POLR1A: variants seen among roughly 807,000 people sequenced by gnomAD.
POLR1A encodes DNA-directed RNA polymerase I subunit RPA1.
Under a neutral mutation model 205.3 loss-of-function variants are expected in POLR1A, and 84 were observed. The ratio of observed to expected loss-of-function variants is 0.41; its 90% CI spans 0.34 to 0.49. The LOEUF (loss-of-function observed/expected upper bound fraction) is 0.49, where lower values mean the gene tolerates loss of function less well. Among genes scored for constraint, POLR1A ranks in the 20% least tolerant of loss-of-function variants. The pLI, the probability that POLR1A is intolerant of heterozygous loss-of-function variation, is 0.22. For synonymous variants in POLR1A, 799 were observed against 863.7 expected (o/e 0.93, Z 1.31); for missense variants, 1,645 against 2,204.5 (o/e 0.75, Z 5.08).
At chr2:86,073,731 G>A (rs1042262174) in intron 12 of POLR1A, among the ~76,000 whole-genome samples, 31 of 152,302 alleles carry the variant, frequency 2.0e-4, no homozygotes, top group African/African-American at 7.0e-4. Flanking sequence ...CCAGGGTGGC[G>A]AGGATCCGTC....
intron 33 of POLR1A, 52 bp from the exon 34 acceptor site, chr2:86,027,575 T>C (rs1456746967): frequency 6.8e-7 from 1 of 1,467,394 alleles, no homozygotes; most frequent in Non-Finnish European, 9.5e-7. Context: ...AAGTTGGGAA[T>C]GTCATGAGGT....
chr2:86,038,913 A>C (rs1558764453), intron 26 of POLR1A, 56 bp from the exon 27 acceptor site: 2 of 1,533,596 alleles, frequency 1.3e-6, no homozygotes, highest in East Asian at 4.5e-5. Flanking sequence ...GTGACTGCGC[A>C]ATGTGAGTGG....
At chr2:86,041,029 G>A (rs1227342519) in intron 24 of POLR1A, among the ~76,000 whole-genome samples, 1 of 152,180 alleles carries the variant, frequency 6.6e-6, no homozygotes, top group Non-Finnish European at 1.5e-5. Context: ...TTTTTAGTTA[G>A]TGCAAATGGC....
chr2:86,056,439 G>A (rs1287984507), intron 14 of POLR1A, among the ~76,000 whole-genome samples: 3 of 150,570 alleles, frequency 2.0e-5, no homozygotes, highest in African/African-American at 7.3e-5. Context: ...GTGACAGAGC[G>A]ATACTCCATC....
intron 12 of POLR1A, 128 bp downstream of exon 12, chr2:86,074,902 G>A: frequency 1.5e-6 from 1 of 654,642 alleles, no homozygotes; most frequent in Non-Finnish European, 2.6e-6. Context: ...CCACCCACGT[G>A]TCGGGGAGCT....
At chr2:86,087,534 C>G (rs1178610122) in intron 6 of POLR1A, among the ~76,000 whole-genome samples, 1 of 152,160 alleles carries the variant, frequency 6.6e-6, no homozygotes, top group African/African-American at 2.4e-5. Flanking sequence ...GTGACAATTG[C>G]AGGTTGTGCT....
At chr2:86,037,152 T>A (rs928158917) in intron 27 of POLR1A, 2 of 152,224 alleles carry the variant, frequency 1.3e-5, no homozygotes, top group African/African-American at 4.8e-5. Context: ...CGCTGTTAAT[T>A]AAGGAGCTGG....
At chr2:86,042,833 A>C in intron 23 of POLR1A, 141 bp downstream of exon 23, 2 of 676,026 alleles carry the variant, frequency 3.0e-6, no homozygotes, top group African/African-American at 1.8e-5. Context: ...TTCCCATTTG[A>C]GAGCCATTCT....
In POLR1A at chr2:86,028,752, C is replaced by T. The variant is rs1284608579; in HGVS notation, c.4780-41G>A. ...AAGGGATTTATTTAGAGGGCCTGGCCTTCTGCTCCCTTCTGCCTGCGTATC... is the reference window on the plus strand; with the variant it reads ...AAGGGATTTATTTAGAGGGCCTGGCTTTCTGCTCCCTTCTGCCTGCGTATC... On this transcript the variant is annotated intron_variant, in intron 31 of 33. Transcript: ENST00000263857. The surrounding 1 kb of genome is among the most constrained non-coding windows in gnomAD (Gnocchi z 4.5). 2.9e-6 allele frequency: 4 copies of T among 1,386,652 alleles called. No homozygotes were observed. The highest frequency in any genetic ancestry group is 2.8e-5 in the African/African-American group (2 of 70,328). The allele number at this position is 1,386,652 out of a possible 1,614,324, so 85.9% of individuals were successfully genotyped here. A position where few individuals can be genotyped will look rare whatever the true frequency, so the allele number is the denominator to read the frequency against.
Position 86,100,092 on chromosome 2 carries a change from A to C in POLR1A, c.158T>G (p.Leu53Ter). ...TTTGGAATCTGCAGGGCCCAAAGCT[A>C]AATCGTACAGGCCGTTTGCCGATGG... ...GNPSANGLYD[L>*]ALGPADSKEV... The change falls in exon 2 of 34, where the codon TTA (leucine) becomes TGA (stop). Residue 53 changes from leucine (L) to a stop codon, truncating the protein, a stop_gained. Coordinates refer to ENST00000263857, the MANE Select transcript of POLR1A (RefSeq NM_015425.6). LOFTEE classifies it high-confidence loss of function. The C allele has an allele frequency of 1.2e-6, 2 of 1,614,150 alleles. No individual in the cohort carries two copies. The highest frequency in any genetic ancestry group is 1.7e-6 in the Non-Finnish European group (2 of 1,179,992).
chr2:86,038,876 A>G lies in POLR1A; in HGVS notation c.3877-19T>C. 1 of 1,613,474 alleles carries G rather than the reference A, an allele frequency of 6.2e-7. No homozygotes were observed. The highest frequency in any genetic ancestry group is 8.5e-7 in the Non-Finnish European group (1 of 1,179,510). On this transcript the variant is annotated intron_variant, in intron 26 of 33. Coordinates refer to ENST00000263857, the MANE Select transcript of POLR1A (RefSeq NM_015425.6). ...GCAACACCTGGAACCAGACGGACAG[A>G]GAGAACTTGACTTGTTCAGGTCCTA... is the stretch of plus-strand genomic sequence containing the variant.
chr2:86,074,652 C>A (rs1294863371), intron 12 of POLR1A, among the ~76,000 whole-genome samples: 1 of 152,176 alleles, frequency 6.6e-6, no homozygotes, highest in Non-Finnish European at 1.5e-5. Flanking sequence ...TGGCACAGAG[C>A]ACTCCCTTCC....
rs1673160269 is a variant in POLR1A, at chr2:86,070,695, T to G, written c.1612-423A>C. Among the ~76,000 whole-genome samples the G allele has an allele frequency of 1.9e-5, 2 of 106,800 alleles. No homozygotes were observed. Among genetic ancestry groups the G allele is most frequent in the African/African-American group, 4.0e-5 (1 of 24,800 alleles). 70.1% of individuals were successfully genotyped at this position (106,800 alleles called of 152,430 possible). ...TGAAAGGCATTGGCAGACTTTCGAATCCCCCCCCCGCCGTGATCACATGTG... is the reference window on the plus strand; with the variant it reads ...TGAAAGGCATTGGCAGACTTTCGAAGCCCCCCCCCGCCGTGATCACATGTG... On this transcript the variant is annotated intron_variant, in intron 12 of 33. Coordinates refer to ENST00000263857, the MANE Select transcript of POLR1A (RefSeq NM_015425.6). This position sits in a 1 kb window ranked among gnomAD's most constrained non-coding sequence, Gnocchi z 4.4.
intron 12 of POLR1A, among the ~76,000 whole-genome samples, chr2:86,073,128 G>C (rs2104415205): frequency 6.6e-6 from 1 of 151,888 alleles, no homozygotes. Context: ...GAGCCCAGGA[G>C]GTGGAGGCTG....
Position 86,075,092 on chromosome 2 carries a change from C to T in POLR1A, c.1549G>A (p.Ala517Thr), listed in dbSNP as rs769021839. 30 of 1,612,606 alleles carry T rather than the reference C, an allele frequency of 1.9e-5. No homozygotes were observed. Among genetic ancestry groups the T allele is most frequent in the Non-Finnish European group, 2.5e-5 (29 of 1,179,932 alleles). Residue 517 changes from alanine to threonine, a missense_variant, in exon 12 of 34, where the codon GCC becomes ACC. Transcript: ENST00000263857. ...LSAVDMTQRE[A>T]VAKQLLTPAT... ...GGGGTCAGAAGCTGCTTGGCCACGG[C>T]CTCTCGCTGGGTCATGTCCACAGCG...
intron 14 of POLR1A, among the ~76,000 whole-genome samples, chr2:86,063,830 C>T (rs1673042523): frequency 1.3e-5 from 2 of 152,196 alleles, no homozygotes; most frequent in African/African-American, 2.4e-5. Flanking sequence ...TCAACCTAGG[C>T]ATTTTATGTA....
At position 86,088,886 on chromosome 2, in the gene POLR1A, AAGTC is replaced by A. The variant is rs779182413; in HGVS notation, c.541-20_541-17del. ...CGTTCTTTACCTGTTTTTTTAAAAA[AAGTC>A]AGAGAACCTTGGAGTGCCATTTTGA... is the stretch of plus-strand genomic sequence containing the variant. On this transcript the variant is annotated splice_polypyrimidine_tract_variant and intron_variant, in intron 4 of 33. Coordinates refer to ENST00000263857, the MANE Select transcript of POLR1A (RefSeq NM_015425.6). The A allele has an allele frequency of 2.5e-6, 4 of 1,584,324 alleles. No homozygotes were observed. Among genetic ancestry groups the A allele is most frequent in the Non-Finnish European group, 3.5e-6 (4 of 1,155,824 alleles).
In POLR1A at chr2:86,088,657, G is replaced by A. The variant is rs117639882; in HGVS notation, c.639C>T (p.Ser213=). Residue 213 remains serine (S), a synonymous_variant, in exon 6 of 34, where the codon TCC becomes TCT. Transcript: ENST00000263857. ...TGCTGTTGTGTTCCTTTCGGACAAC[G>A]GATCGCCCGGTCCTGTGCAGGAGGA... ...KRCPHCKTGR[S]VVRKEHNSKL... The A allele has an allele frequency of 2.8e-4, 458 of 1,613,874 alleles. 2 individuals are homozygous for A. The East Asian group carries it at 8.1e-3, about 28-fold the overall frequency.
intron 3 of POLR1A, among the ~76,000 whole-genome samples, chr2:86,096,463 T>C (rs940389347): frequency 2.6e-5 from 4 of 151,964 alleles, no homozygotes; most frequent in Non-Finnish European, 4.4e-5. Flanking sequence ...AGACCCTGAA[T>C]GGCCAAAGCA....
Sources: gnomAD v4.1 joint callset for allele counts (sites outside exome capture counted in the v4.1 genomes callset) on GRCh38, gnomAD v4.1.1 for gene constraint, Gnocchi (gnomAD v3.1) non-coding constraint, MANE v1.5 for transcripts, NCBI Gene and HGNC (gene_info 2026-07-23, HGNC 2026-07-21) for gene names.